RANBP2: variants seen among roughly 807,000 people sequenced by gnomAD.
The protein encoded by RANBP2 is RAN binding protein 2, also known as E3 SUMO-protein ligase RanBP2.
RANBP2 carries 57 observed loss-of-function variants against 303.6 expected under a neutral mutation model. The observed-to-expected ratio is 0.19, with a 90% CI of 0.15 to 0.23. RANBP2 has a LOEUF of 0.23. Ranked by LOEUF, RANBP2 falls within the 10% of genes least tolerant of loss-of-function variation. The probability of loss-of-function intolerance (pLI) is 1.00; values close to 1 mark genes in which losing one functional copy is unlikely to be tolerated. For missense variants in RANBP2, 3,138 were observed against 3,780.8 expected, an observed-to-expected ratio of 0.83 and a Z score of 4.46; for synonymous variants, 1,167 against 1,301.5, an observed-to-expected ratio of 0.90 and a Z score of 2.23.
chr2:108,728,297 T>C (rs1012586649), intron 1 of RANBP2, among the ~76,000 whole-genome samples: 3 of 152,134 alleles, frequency 2.0e-5, no homozygotes, highest in Non-Finnish European at 2.9e-5. Context: ...TTGTATGTTA[T>C]GTATTTATTA....
At chr2:109,054,034 C>T in the RANBP2 span, among the ~76,000 whole-genome samples, 1 of 152,176 alleles carries the variant, frequency 6.6e-6, no homozygotes, top group Non-Finnish European at 1.5e-5. Flanking sequence ...GAGGCGGAGG[C>T]CACTGTACTA....
the RANBP2 span, among the ~76,000 whole-genome samples, chr2:109,459,565 G>T: frequency 6.6e-6 from 1 of 152,162 alleles, no homozygotes; most frequent in Non-Finnish European, 1.5e-5. Context: ...CTGTATCCCA[G>T]ACATGCTCTT....
the RANBP2 span, among the ~76,000 whole-genome samples, chr2:109,070,385 A>G: frequency 6.6e-6 from 1 of 152,140 alleles, no homozygotes; most frequent in South Asian, 2.1e-4. Flanking sequence ...TAGTGGGGTG[A>G]TATAGTTTGG....
the RANBP2 span, among the ~76,000 whole-genome samples, chr2:109,120,923 AC>A: frequency 5.9e-5 from 9 of 152,124 alleles, 1 homozygote; most frequent in African/African-American, 2.2e-4. Context: ...GAGGGTGGCA[AC>A]TCATGCAGTG....
chr2:108,797,628 A>G, the RANBP2 span, among the ~76,000 whole-genome samples: 1 of 152,128 alleles, frequency 6.6e-6, no homozygotes, highest in African/African-American at 2.4e-5. Context: ...TCTTCACAGG[A>G]TGGCTTAAGG....
At chr2:109,571,276 C>T in the RANBP2 span, among the ~76,000 whole-genome samples, 101 of 152,246 alleles carry the variant, frequency 6.6e-4, 2 homozygotes, top group African/African-American at 2.2e-3. Flanking sequence ...TATAGCAATG[C>T]GAGAACGGAC....
At chr2:109,437,197 G>T in the RANBP2 span, 1 of 1,551,034 alleles carries the variant, frequency 6.4e-7, no homozygotes, top group South Asian at 1.2e-5. Flanking sequence ...GGGGCTTCCT[G>T]GGACATGCTT....
the RANBP2 span, among the ~76,000 whole-genome samples, chr2:109,571,887 CCTGG>C: frequency 9.2e-5 from 14 of 152,262 alleles, no homozygotes; most frequent in African/African-American, 3.1e-4. Flanking sequence ...ATAAATTGCT[CCTGG>C]CTAACACTTC....
At chr2:109,572,424 T>C in the RANBP2 span, among the ~76,000 whole-genome samples, 1 of 152,060 alleles carries the variant, frequency 6.6e-6, no homozygotes, top group African/African-American at 2.4e-5. Context: ...CGAGCCACCG[T>C]ACCTGGCCTC....
At chr2:109,296,385 AC>A in the RANBP2 span, among the ~76,000 whole-genome samples, 4 of 147,906 alleles carry the variant, frequency 2.7e-5, no homozygotes, top group South Asian at 8.4e-4. Flanking sequence ...GCACCACCAC[AC>A]CCAGTTTTTT....
At chr2:108,894,690 C>G in the RANBP2 span, 1 of 152,456 alleles carries the variant, frequency 6.6e-6, no homozygotes, top group African/African-American at 2.4e-5. Flanking sequence ...TTATTATGAT[C>G]TCATTGTTCT....
At chr2:109,568,468 T>C in the RANBP2 span, among the ~76,000 whole-genome samples, 1 of 149,518 alleles carries the variant, frequency 6.7e-6, no homozygotes. Flanking sequence ...GCCTTCTGGG[T>C]TCAAGCGATT....
chr2:109,104,874 A>C, the RANBP2 span, among the ~76,000 whole-genome samples: 11 of 152,180 alleles, frequency 7.2e-5, no homozygotes, highest in East Asian at 2.1e-3. Context: ...ATACAGTTAA[A>C]AGTGCTTTGT....
At chr2:109,370,904 CTGAGT>C in the RANBP2 span, among the ~76,000 whole-genome samples, 2 of 152,210 alleles carry the variant, frequency 1.3e-5, no homozygotes, top group African/African-American at 4.8e-5. Context: ...TGTAGTTGGA[CTGAGT>C]TATTTTTTTG....
the RANBP2 span, among the ~76,000 whole-genome samples, chr2:108,821,452 A>C: frequency 6.6e-6 from 1 of 152,230 alleles, no homozygotes; most frequent in South Asian, 2.1e-4. Context: ...TTATTGATGT[A>C]AAATAGTTAT....
At chr2:109,447,167 A>C in the RANBP2 span, among the ~76,000 whole-genome samples, 3 of 148,670 alleles carry the variant, frequency 2.0e-5, no homozygotes, top group Non-Finnish European at 1.5e-5. Flanking sequence ...AAAAAAAAAA[A>C]AGAAAAGAAA....
chr2:109,158,001 G>GTTC, the RANBP2 span, among the ~76,000 whole-genome samples: 3 of 152,292 alleles, frequency 2.0e-5, no homozygotes, highest in Middle Eastern at 3.4e-3. Flanking sequence ...CCTTGAGCCC[G>GTTC]TGGTATGTTC....
chr2:109,721,790 T>C, the RANBP2 span, among the ~76,000 whole-genome samples: 1 of 152,186 alleles, frequency 6.6e-6, no homozygotes, highest in African/African-American at 2.4e-5. Context: ...CATAGCCCCA[T>C]GGGTGCAGCT....
At chr2:109,766,576 A>T in the RANBP2 span, among the ~76,000 whole-genome samples, 3 of 150,510 alleles carry the variant, frequency 2.0e-5, no homozygotes, top group Non-Finnish European at 2.9e-5. Context: ...TCTTTTGTGA[A>T]AATGTAGGAG....
Sources: allele counts gnomAD v4.1 joint callset (sites outside exome capture counted in the v4.1 genomes callset), GRCh38; gene constraint gnomAD v4.1.1; transcripts MANE v1.5; gene names NCBI Gene and HGNC (gene_info 2026-07-23, HGNC 2026-07-21).